DCT: variants seen among roughly 807,000 people sequenced by gnomAD.
DCT encodes the protein L-dopachrome tautomerase.
Under a neutral mutation model 53.0 loss-of-function variants are expected in DCT, and 47 were observed. That is an observed-to-expected ratio of 0.89 (90% CI 0.70 to 1.13). DCT has a LOEUF of 1.13. DCT is among the 50% of genes most tolerant of loss of function. The pLI is 0.00. For missense variants in DCT, 669 were observed against 637.4 expected (o/e 1.05, Z -0.53); for synonymous variants, 244 against 237.0 (o/e 1.03, Z -0.27).
chr13:94,528,776 A>C, the DCT span, among the ~76,000 whole-genome samples: 1 of 151,892 alleles, frequency 6.6e-6, no homozygotes, highest in African/African-American at 2.4e-5. Flanking sequence ...GACAGGATCA[A>C]ATTCAAACGT....
At chr13:94,537,614 C>A in the DCT span, among the ~76,000 whole-genome samples, 1 of 151,788 alleles carries the variant, frequency 6.6e-6, no homozygotes, top group African/African-American at 2.4e-5. Context: ...TTATTGCTTT[C>A]TACAAATTAT....
chr13:94,464,233 A>G (rs950608786), intron 4 of DCT, among the ~76,000 whole-genome samples: 5 of 152,234 alleles, frequency 3.3e-5, no homozygotes, highest in African/African-American at 1.2e-4. Context: ...ACGCACACCT[A>G]TGCAGGCTCA....
intron 6 of DCT, among the ~76,000 whole-genome samples, chr13:94,451,273 C>T (rs971534767): frequency 1.3e-5 from 2 of 152,204 alleles, no homozygotes; most frequent in African/African-American, 4.8e-5. Flanking sequence ...AAAGCAATGA[C>T]TATCATTTCA....
the DCT span, among the ~76,000 whole-genome samples, chr13:94,519,620 T>C: frequency 6.6e-6 from 1 of 152,216 alleles, no homozygotes; most frequent in Non-Finnish European, 1.5e-5. Flanking sequence ...GGAGGTGGGT[T>C]AGGAGCTTCA....
the DCT span, among the ~76,000 whole-genome samples, chr13:94,485,626 A>G: frequency 2.6e-5 from 4 of 152,168 alleles, no homozygotes; most frequent in Non-Finnish European, 5.9e-5. Flanking sequence ...CAAATTCACA[A>G]TCATTCCTAA....
At position 94,479,047 on chromosome 13, in the gene DCT, G is replaced by A. The variant is rs1189884356; in HGVS notation, c.209C>T (p.Pro70Leu). 6.2e-7 allele frequency: 1 copy of A among 1,614,196 alleles called. No individual in the cohort carries two copies. The highest frequency in any genetic ancestry group is 1.1e-5 in the South Asian group (1 of 91,086). The change falls in exon 1 of 8, where the codon CCC (proline) becomes CTC (leucine). Residue 70 changes from proline (P) to leucine (L), a missense_variant. By Grantham distance (98) the Pro-to-Leu change is moderately conservative (BLOSUM62 -3). Transcript: ENST00000377028. ...QCTEVRADTR[P>L]WSGPYILRNQ... Reference sequence around the variant, plus strand: ...TCGTAGGATGTAGGGACCACTCCAGGGCCTTGTGTCGGCTCGCACCTCTGT... The same window carrying A: ...TCGTAGGATGTAGGGACCACTCCAGAGCCTTGTGTCGGCTCGCACCTCTGT...
chr13:94,447,785 C>T (rs1311430189), intron 6 of DCT, among the ~76,000 whole-genome samples: 1 of 151,812 alleles, frequency 6.6e-6, no homozygotes, highest in Non-Finnish European at 1.5e-5. Context: ...CTGTAAGAGG[C>T]AAATAACTTA....
chr13:94,457,682 T>G (rs1247315855), intron 6 of DCT, among the ~76,000 whole-genome samples: 1 of 152,038 alleles, frequency 6.6e-6, no homozygotes, highest in Non-Finnish European at 1.5e-5. Flanking sequence ...GGAGAAGAGG[T>G]GAAATTTCTT....
chr13:94,459,678 T>G (rs185577930), intron 6 of DCT, among the ~76,000 whole-genome samples: 2 of 152,260 alleles, frequency 1.3e-5, no homozygotes, highest in African/African-American at 4.8e-5. Flanking sequence ...AGTAGGAGGT[T>G]TAAGTGTCCA....
the DCT span, among the ~76,000 whole-genome samples, chr13:94,505,662 T>C: frequency 6.6e-6 from 1 of 152,140 alleles, no homozygotes; most frequent in South Asian, 2.1e-4. Flanking sequence ...GGCACAAAAG[T>C]GGGGAGAAGA....
the DCT span, among the ~76,000 whole-genome samples, chr13:94,529,559 G>C: frequency 6.6e-6 from 1 of 152,282 alleles, no homozygotes; most frequent in South Asian, 2.1e-4. Flanking sequence ...ATAACGAAAT[G>C]AAGGCAAAAA....
chr13:94,465,977 T>C (rs1174995508), intron 3 of DCT, among the ~76,000 whole-genome samples, 178 bp from the exon 4 acceptor site: 2 of 8,084 alleles, frequency 2.5e-4, no homozygotes, highest in African/African-American at 4.6e-4. Flanking sequence ...TTTATATATA[T>C]ATATATATAT....
At chr13:94,544,034 CA>C in the DCT span, among the ~76,000 whole-genome samples, 58,861 of 121,956 alleles carry the variant, frequency 0.48, 13,209 homozygotes, top group Non-Finnish European at 0.59. Flanking sequence ...GACTCTGTCT[CA>C]AAAAAAAAAA....
chr13:94,460,912 C>T (rs953819869), intron 5 of DCT, among the ~76,000 whole-genome samples: 1 of 152,196 alleles, frequency 6.6e-6, no homozygotes, highest in Non-Finnish European at 1.5e-5. Context: ...TGGATTCTCT[C>T]TCTCTCTTAA....
chr13:94,547,984 A>ATATATATAT, the DCT span, among the ~76,000 whole-genome samples: 20 of 65,826 alleles, frequency 3.0e-4, no homozygotes, highest in African/African-American at 2.2e-3. Flanking sequence ...AAAAAAAAAA[A>ATATATATAT]ATATATATAT....
chr13:94,467,605 G>T (rs1884309669), intron 2 of DCT: 1 of 152,156 alleles, frequency 6.6e-6, no homozygotes, highest in Admixed American at 6.5e-5. Flanking sequence ...TTACCTGTAA[G>T]GCAAGTTTTA....
At chr13:94,534,112 TC>T in the DCT span, among the ~76,000 whole-genome samples, 1 of 151,464 alleles carries the variant, frequency 6.6e-6, no homozygotes, top group South Asian at 2.1e-4. Context: ...TTCACAAGTT[TC>T]CCCATATATA....
the DCT span, among the ~76,000 whole-genome samples, chr13:94,490,680 T>C: frequency 1.3e-4 from 19 of 151,062 alleles, no homozygotes; most frequent in African/African-American, 4.4e-4. Flanking sequence ...ACCTCCAAAC[T>C]TTCATAATAG....
chr13:94,466,207 TAG>T (rs527547828), intron 3 of DCT, among the ~76,000 whole-genome samples: 8 of 151,264 alleles, frequency 5.3e-5, no homozygotes, highest in Non-Finnish European at 1.2e-4. Context: ...AGTGAATACA[TAG>T]AGAGTTACAT....
Sources: gnomAD v4.1 joint callset for allele counts (sites outside exome capture counted in the v4.1 genomes callset) on GRCh38, gnomAD v4.1.1 for gene constraint, MANE v1.5 for transcripts, NCBI Gene and HGNC (gene_info 2026-07-23, HGNC 2026-07-21) for gene names.